Variants in LRP5 observed in about 807,000 individuals in gnomAD.
LRP5 encodes the protein low-density lipoprotein receptor-related protein 5.
LRP5 carries 62 observed loss-of-function variants against 154.1 expected under a neutral mutation model. That is an observed-to-expected ratio of 0.40 (90% confidence interval 0.33 to 0.50). The LOEUF (loss-of-function observed/expected upper bound fraction) is 0.50. Among genes scored for constraint, LRP5 ranks in the 20% least tolerant of loss-of-function variants. LRP5 has a pLI of 0.55. For missense variants in LRP5, 1,915 were observed against 2,336.7 expected (o/e 0.82, Z 3.72); for synonymous variants, 966 against 1,011.5 (o/e 0.96, Z 0.85).
In LRP5 at chr11:68,423,805, A is replaced by C; in HGVS notation, c.3236+108A>C. On this transcript the variant is annotated intron_variant, in intron 14 of 22. Transcript: ENST00000294304. This position sits in a 1 kb window ranked among gnomAD's most constrained non-coding sequence, Gnocchi z 4.7. ...GCTGGGGAGACTTTCCACCCTGGGG[A>C]TCCAATGGGTGGCTTTCCAGGGTCC... 1 of 1,100,742 alleles carries C rather than the reference A, an allele frequency of 9.1e-7. No homozygotes were observed. Among genetic ancestry groups the C allele is most frequent in the South Asian group, 1.4e-5 (1 of 69,272 alleles). The allele number at this position is 1,100,742 out of a possible 1,614,324, so 68.2% of individuals were successfully genotyped here.
chr11:68,301,610 C>T, the LRP5 span, among the ~76,000 whole-genome samples: 1 of 148,582 alleles, frequency 6.7e-6, no homozygotes, highest in Admixed American at 6.7e-5. Context: ...AAAATACTAA[C>T]AATTCTTATT....
intron 9 of LRP5, among the ~76,000 whole-genome samples, chr11:68,408,705 C>A (rs1041829547): frequency 6.6e-6 from 1 of 152,056 alleles, no homozygotes; most frequent in Non-Finnish European, 1.5e-5. Context: ...ATGAAATACT[C>A]CACTGCACAG....
At chr11:68,314,450 G>A (rs543353475) in intron 1 of LRP5, among the ~76,000 whole-genome samples, 2 of 152,298 alleles carry the variant, frequency 1.3e-5, no homozygotes, top group East Asian at 3.9e-4. Context: ...AGGAAAGGGA[G>A]GAATCTTTCT....
intron 2 of LRP5, 90 bp from the exon 3 acceptor site, chr11:68,357,560 A>T (rs1305958764): frequency 8.2e-7 from 1 of 1,225,214 alleles, no homozygotes; most frequent in East Asian, 2.5e-5. Flanking sequence ...GGGCAAGTTC[A>T]CTGTCTGTTG....
chr11:68,397,359 G>A (rs577132719), intron 7 of LRP5, among the ~76,000 whole-genome samples: 34 of 152,216 alleles, frequency 2.2e-4, no homozygotes, highest in Middle Eastern at 3.4e-3. Context: ...TGAGGCCCAC[G>A]CTCCAGTGCC....
At chr11:68,394,438 A>G (rs970143733) in intron 7 of LRP5, among the ~76,000 whole-genome samples, 1 of 147,684 alleles carries the variant, frequency 6.8e-6, no homozygotes, top group Non-Finnish European at 1.5e-5. Context: ...TCGTGTCACA[A>G]TGACGTGAGC....
At chr11:68,410,582 T>G (rs2098658900) in intron 10 of LRP5, among the ~76,000 whole-genome samples, 1 of 152,180 alleles carries the variant, frequency 6.6e-6, no homozygotes, top group Non-Finnish European at 1.5e-5. Flanking sequence ...CAGAACTGAC[T>G]TTGAGGTCCC....
intron 1 of LRP5, among the ~76,000 whole-genome samples, chr11:68,323,841 G>A (rs191014088): frequency 6.6e-6 from 1 of 152,348 alleles, no homozygotes; most frequent in East Asian, 1.9e-4. Flanking sequence ...GGGAGTTCAT[G>A]CACTTGCCAC....
intron 5 of LRP5, among the ~76,000 whole-genome samples, chr11:68,373,039 C>G (rs914400701): frequency 8.6e-5 from 13 of 151,980 alleles, no homozygotes; most frequent in African/African-American, 3.1e-4. Context: ...TCTGTGAGTT[C>G]CCAAGGGAGG....
At chr11:68,347,380 C>T (rs2098613996) in intron 1 of LRP5, among the ~76,000 whole-genome samples, 1 of 152,184 alleles carries the variant, frequency 6.6e-6, no homozygotes, top group Non-Finnish European at 1.5e-5. Flanking sequence ...GGGCTCTGAA[C>T]CCCTCAAAAA....
chr11:68,382,972 G>T (rs997741892), intron 5 of LRP5, among the ~76,000 whole-genome samples: 2 of 152,036 alleles, frequency 1.3e-5, no homozygotes, highest in African/African-American at 4.8e-5. Flanking sequence ...CTGCCTCCTG[G>T]GTTCAAGTGA....
intron 3 of LRP5, among the ~76,000 whole-genome samples, chr11:68,362,757 G>A (rs1591227172): frequency 6.6e-6 from 1 of 151,708 alleles, no homozygotes; most frequent in African/African-American, 2.4e-5. Flanking sequence ...TTAAAAAACA[G>A]CATCAACAAA....
rs760651197 is a variant in LRP5, at chr11:68,347,839, C to T, written c.92-8C>T. On this transcript the variant is annotated splice_region_variant and splice_polypyrimidine_tract_variant and intron_variant, in intron 1 of 22. Coordinates refer to ENST00000294304, the MANE Select transcript of LRP5 (RefSeq NM_002335.4). Reference sequence around the variant, plus strand: ...CAGTGGCCCTCACGGTTTGCTTCTGCCCCACAGCCTCGCCGCTCCTGCTAT... The same window carrying T: ...CAGTGGCCCTCACGGTTTGCTTCTGTCCCACAGCCTCGCCGCTCCTGCTAT... The T allele has an allele frequency of 4.3e-6, 7 of 1,612,812 alleles. No homozygotes were observed. In the East Asian group the frequency reaches 1.3e-4, roughly 31 times the overall value.
At chr11:68,445,737 C>A in intron 21 of LRP5, 2 of 1,130,754 alleles carry the variant, frequency 1.8e-6, no homozygotes, top group Non-Finnish European at 1.2e-6. Context: ...CCCTTCCTCC[C>A]TTTGTAGGGC....
intron 1 of LRP5, among the ~76,000 whole-genome samples, chr11:68,321,058 G>GT (rs36049256): frequency 0.018 from 2,172 of 119,770 alleles, 29 homozygotes; most frequent in South Asian, 0.025. Flanking sequence ...TTCTGTCTGG[G>GT]TTTTTTTTTT....
Position 68,413,563 on chromosome 11 carries a change from A to G in LRP5, c.2504-126A>G. 1.2e-6 allele frequency: 1 copy of G among 835,866 alleles called. No homozygotes were observed. Among genetic ancestry groups the G allele is most frequent in the Non-Finnish European group, 2.0e-6 (1 of 499,160 alleles). The allele number at this position is 835,866 out of a possible 1,614,324, so 51.8% of individuals were successfully genotyped here. A position where few individuals can be genotyped will look rare whatever the true frequency, so the allele number is the denominator to read the frequency against. ...CTTGCTGGTTTTCCAAGGTGGCCAAACACTTTAAGGCATTCATGTGGTCGC... is the reference window on the plus strand; with the variant it reads ...CTTGCTGGTTTTCCAAGGTGGCCAAGCACTTTAAGGCATTCATGTGGTCGC... On this transcript the variant is annotated intron_variant, in intron 11 of 22. Coordinates refer to ENST00000294304, the MANE Select transcript of LRP5 (RefSeq NM_002335.4). The surrounding 1 kb of genome is among the most constrained non-coding windows in gnomAD (Gnocchi z 5.1).
chr11:68,299,797 G>T, the LRP5 span, among the ~76,000 whole-genome samples: 1 of 148,818 alleles, frequency 6.7e-6, no homozygotes, highest in African/African-American at 2.4e-5. Context: ...TGGCCAAGCT[G>T]GTCTCAAACT....
intron 8 of LRP5, among the ~76,000 whole-genome samples, chr11:68,405,233 GAGGC>G (rs2098654947): frequency 1.3e-5 from 2 of 151,868 alleles, no homozygotes; most frequent in African/African-American, 4.8e-5. Flanking sequence ...TTGGAAGACT[GAGGC>G]AGGAGGATCA....
intron 16 of LRP5, among the ~76,000 whole-genome samples, chr11:68,426,681 C>T (rs1565104532): frequency 6.6e-6 from 1 of 152,122 alleles, no homozygotes; most frequent in Non-Finnish European, 1.5e-5. Flanking sequence ...CTGTGGCCTC[C>T]CAAAGTGCTA....
Sources: allele counts gnomAD v4.1 joint callset (sites outside exome capture counted in the v4.1 genomes callset), GRCh38; gene constraint gnomAD v4.1.1; non-coding constraint Gnocchi (gnomAD v3.1); transcripts MANE v1.5; gene names NCBI Gene and HGNC (gene_info 2026-07-23, HGNC 2026-07-21).